DIAPH2: variants seen among roughly 807,000 people sequenced by gnomAD.
DIAPH2 encodes protein diaphanous homolog 2.
DIAPH2 carries 35 observed loss-of-function variants against 92.7 expected under a neutral mutation model. The observed-to-expected ratio is 0.38, with a 90% CI of 0.29 to 0.50. The LOEUF is 0.50. Among genes scored for constraint, DIAPH2 ranks in the 20% least tolerant of loss-of-function variants. DIAPH2 has a pLI of 0.94. For synonymous variants in DIAPH2, 301 were observed against 280.4 expected (o/e 1.07, Z -0.73); for missense variants, 701 against 819.5 (o/e 0.86, Z 1.77).
At chrX:96,697,595 G>A (rs1053751377) in intron 1 of DIAPH2, among the ~76,000 whole-genome samples, 2 of 111,101 alleles carry the variant, frequency 1.8e-5, no homozygotes, top group African/African-American at 3.3e-5. Flanking sequence ...GCAGTGAGCC[G>A]AGATCCGCCA....
At chrX:97,018,727 A>G (rs764238351) in intron 17 of DIAPH2, among the ~76,000 whole-genome samples, 12 of 111,954 alleles carry the variant, frequency 1.1e-4, no homozygotes, top group African/African-American at 2.9e-4. Flanking sequence ...ATTATCTTGT[A>G]TTAGTGTGGT....
chrX:96,916,352 T>C (rs1305234037), intron 7 of DIAPH2, 86 bp from the exon 8 acceptor site: 3 of 890,899 alleles, frequency 3.4e-6, no homozygotes, highest in Middle Eastern at 3.9e-4. Flanking sequence ...GTATGGGTTT[T>C]TGGAAGATCA....
At chrX:97,376,792 C>A (rs1244577297) in intron 24 of DIAPH2, among the ~76,000 whole-genome samples, 1 of 111,642 alleles carries the variant, frequency 9.0e-6, no homozygotes, top group African/African-American at 3.3e-5. Flanking sequence ...AACCTAGATG[C>A]TATGGCCTAC....
chrX:96,991,557 T>TTC (rs1555970345), intron 17 of DIAPH2, among the ~76,000 whole-genome samples: 26 of 106,777 alleles, frequency 2.4e-4, no homozygotes, highest in African/African-American at 8.8e-4. Context: ...TTTTTTTTTT[T>TTC]ACTATGTTAT....
Position 97,093,401 on chromosome X carries a change from G to A in DIAPH2, c.2248-6293G>A, listed in dbSNP as rs368737993. ...GGCTTTCAAGCTATAAACTGTCTTC[G>A]GCCTGGAGTTGGGGAATTGGGGTTT... On this transcript the variant is annotated intron_variant, in intron 19 of 26. Transcript: ENST00000324765. Among the ~76,000 whole-genome samples, 668 of 110,981 alleles carry A rather than the reference G, an allele frequency of 6.0e-3. 5 individuals carry two copies. The highest frequency in any genetic ancestry group is 0.02 in the African/African-American group (615 of 30,517).
At chrX:96,927,448 A>C (rs757399380) in intron 9 of DIAPH2, among the ~76,000 whole-genome samples, 1 of 110,112 alleles carries the variant, frequency 9.1e-6, no homozygotes, top group Admixed American at 9.7e-5. Flanking sequence ...TGAAGGTTTC[A>C]GAGATTAGGC....
intron 26 of DIAPH2, among the ~76,000 whole-genome samples, chrX:97,496,467 G>A (rs944139008): frequency 8.9e-5 from 9 of 101,667 alleles, no homozygotes; most frequent in Admixed American, 3.2e-4. Context: ...GAGCCACCAC[G>A]CCCAGCAAGT....
At chrX:96,901,984 G>A (rs1435000423) in intron 5 of DIAPH2, among the ~76,000 whole-genome samples, 4 of 111,809 alleles carry the variant, frequency 3.6e-5, no homozygotes, top group Non-Finnish European at 5.6e-5. Context: ...GATAACGTGT[G>A]TCACTAGTAC....
intron 20 of DIAPH2, among the ~76,000 whole-genome samples, chrX:97,101,481 G>A (rs926858075): frequency 1.8e-5 from 2 of 110,379 alleles, no homozygotes; most frequent in Non-Finnish European, 3.8e-5. Context: ...CCTAGTCCCC[G>A]TATTTACTTT....
rs1323704868 is a variant in DIAPH2, at chrX:96,885,024, G to C, written c.587+3306G>C. 4.1e-6 allele frequency: 5 copies of C among 1,208,809 alleles called. No individual in the cohort carries two copies. The African/African-American group carries it at 5.3e-5, about 13-fold the overall frequency. Reference sequence around the variant, plus strand: ...TTAGCGTCAAGGCCATCAAGGAAGCGATTGATTATCTGACCGTTGAGGGCC... The same window carrying C: ...TTAGCGTCAAGGCCATCAAGGAAGCCATTGATTATCTGACCGTTGAGGGCC... On this transcript the variant is annotated intron_variant, in intron 5 of 26. Transcript: ENST00000324765.
rs535764006 is a variant in DIAPH2, at chrX:96,730,119, C to G, written c.133-5639C>G. Among the ~76,000 whole-genome samples the G allele has an allele frequency of 8.0e-5, 9 of 111,832 alleles. No homozygotes were observed. In the South Asian group the frequency reaches 1.5e-3, roughly 19 times the overall value. On this transcript the variant is annotated intron_variant, in intron 1 of 26. Transcript: ENST00000324765. ...ATGAAGTGTAGGTGGCTGAAAATGA[C>G]TCTTACTTTTAGAAAGGAGATGAAA... is the stretch of plus-strand genomic sequence containing the variant.
At chrX:97,311,167 A>G (rs1371462873) in intron 23 of DIAPH2, among the ~76,000 whole-genome samples, 3 of 111,961 alleles carry the variant, frequency 2.7e-5, no homozygotes, top group African/African-American at 9.7e-5. Flanking sequence ...TAATGTGTTA[A>G]GAACAGACTG....
chrX:97,185,485 A>G (rs1217491135), intron 22 of DIAPH2, among the ~76,000 whole-genome samples: 9 of 12,041 alleles, frequency 7.5e-4, no homozygotes, highest in Non-Finnish European at 7.9e-4. Context: ...ATATATATAT[A>G]TATATATATA....
chrX:97,410,778 T>C (rs1325922082), intron 25 of DIAPH2, among the ~76,000 whole-genome samples: 1 of 111,803 alleles, frequency 8.9e-6, no homozygotes, highest in Admixed American at 9.5e-5. Context: ...CAATAGATGA[T>C]TCAATGAAGT....
intron 4 of DIAPH2, among the ~76,000 whole-genome samples, chrX:96,873,449 CT>C (rs1469685315): frequency 9.1e-6 from 1 of 109,539 alleles, no homozygotes; most frequent in Non-Finnish European, 1.9e-5. Context: ...GTAAATGATA[CT>C]TTTGAAAAAA....
At chrX:96,754,340 A>G (rs1475113889) in intron 3 of DIAPH2, among the ~76,000 whole-genome samples, 1 of 112,208 alleles carries the variant, frequency 8.9e-6, no homozygotes, top group Non-Finnish European at 1.9e-5. Flanking sequence ...AGCATTTACT[A>G]AGTATCAGGC....
chrX:96,899,593 G>C (rs1602611382), intron 5 of DIAPH2, among the ~76,000 whole-genome samples: 1 of 111,488 alleles, frequency 9.0e-6, no homozygotes, highest in Admixed American at 9.5e-5. Context: ...CTGAGACTTT[G>C]CTGAAGTTGC....
At chrX:96,969,127 G>A (rs1489377204) in intron 17 of DIAPH2, among the ~76,000 whole-genome samples, 1 of 112,227 alleles carries the variant, frequency 8.9e-6, no homozygotes, top group Admixed American at 9.4e-5. Flanking sequence ...GGTTACGGTA[G>A]CCTTGTAATA....
At chrX:96,956,299 C>T (rs1308733215) in intron 15 of DIAPH2, among the ~76,000 whole-genome samples, 1 of 110,997 alleles carries the variant, frequency 9.0e-6, no homozygotes, top group Non-Finnish European at 1.9e-5. Context: ...AGAGACTGCA[C>T]ACAGCGGGAG....
Sources: allele counts gnomAD v4.1 joint callset (sites outside exome capture counted in the v4.1 genomes callset), GRCh38; gene constraint gnomAD v4.1.1; transcripts MANE v1.5; gene names NCBI Gene and HGNC (gene_info 2026-07-23, HGNC 2026-07-21).